The following TRIM34 variants were observed in gnomAD, a reference collection of about 807,000 sequenced individuals.
TRIM34 encodes the protein E3 ubiquitin-protein ligase TRIM34.
A neutral mutation model predicts 38.1 loss-of-function variants in TRIM34; 41 were observed. That is an observed-to-expected ratio of 1.08 (90% CI 0.84 to 1.40). The LOEUF is 1.40. TRIM34 is among the 40% of genes most tolerant of loss of function. The pLI is 0.00. For missense variants in TRIM34, 556 were observed against 571.4 expected (o/e 0.97, Z 0.27); for synonymous variants, 200 against 202.5 (o/e 0.99, Z 0.10).
chr11:5,642,608 G>C, intron 6 of TRIM34, 102 bp downstream of exon 6: 1 of 1,453,550 alleles, frequency 6.9e-7, no homozygotes, highest in Non-Finnish European at 9.3e-7. Context: ...GAAGAGAGGA[G>C]GGAGGTCAGA....
intron 1 of TRIM34, among the ~76,000 whole-genome samples, chr11:5,625,433 C>A (rs141835801): frequency 2.0e-4 from 31 of 152,310 alleles, no homozygotes; most frequent in African/African-American, 6.0e-4. Flanking sequence ...TTATTTTCCA[C>A]CTCCTACTCC....
intron 1 of TRIM34, chr11:5,626,783 G>A (rs1363265299): frequency 6.6e-6 from 1 of 152,050 alleles, no homozygotes; most frequent in African/African-American, 2.4e-5. Context: ...TCGGGAGGCT[G>A]AGGCAGGAGA....
intron 1 of TRIM34, chr11:5,626,611 G>A (rs1849248117): frequency 6.6e-6 from 1 of 152,190 alleles, no homozygotes; most frequent in Non-Finnish European, 1.5e-5. Context: ...CAGGCGCGGT[G>A]GTTCACGCTT....
In TRIM34 at chr11:5,632,274, C is replaced by A. The variant is rs748041636; in HGVS notation, c.-58C>A. The A allele has an allele frequency of 6.2e-6, 10 of 1,609,914 alleles. No homozygotes were observed. In the Admixed American group the frequency reaches 1.7e-4, roughly 27 times the overall value. ...TCTCAGCCATCCAGGGGTCTTTAAC[C>A]AGAAGAGAGAGGAGAGCCTCAGGAG... On this transcript the variant is annotated 5_prime_UTR_variant, in exon 2 of 8. Coordinates refer to ENST00000429814, the MANE Select transcript of TRIM34 (RefSeq NM_021616.6).
In TRIM34 at chr11:5,633,918, G is replaced by A; in HGVS notation, c.519+19G>A. ...CTGGAAGGCAAGAGGAGATTCTGAA[G>A]GTTTTCTGAGACAGGAATCTTGACA... On this transcript the variant is annotated intron_variant, in intron 3 of 7. Transcript: ENST00000429814. The A allele has an allele frequency of 6.2e-7, 1 of 1,612,620 alleles. No homozygotes were observed.
upstream of TRIM34, chr11:5,620,167 C>CTTTTTTTTTTTTTTTTTTT (rs60013395): frequency 6.9e-5 from 5 of 72,772 alleles, no homozygotes; most frequent in African/African-American, 1.2e-4. Flanking sequence ...TTTCTTTCTT[C>CTTTTTTTTTTTTTTTTTTT]TTTTTTTTTT....
chr11:5,631,503 G>A (rs1658892999), intron 1 of TRIM34, among the ~76,000 whole-genome samples: 1 of 152,152 alleles, frequency 6.6e-6, no homozygotes, highest in Non-Finnish European at 1.5e-5. Flanking sequence ...GGAACAAACA[G>A]GCCAAAGTGA....
At chr11:5,631,736 G>A (rs1204239672) in intron 1 of TRIM34, among the ~76,000 whole-genome samples, 1 of 152,150 alleles carries the variant, frequency 6.6e-6, no homozygotes, top group African/African-American at 2.4e-5. Flanking sequence ...TAAAGTTTTA[G>A]TCATCTGTGG....
chr11:5,642,769 T>A, intron 6 of TRIM34, 48 bp from the exon 7 acceptor site: 1 of 1,612,612 alleles, frequency 6.2e-7, no homozygotes, highest in Non-Finnish European at 8.5e-7. Context: ...GTATCAGTGC[T>A]TACTCCTTTG....
At position 5,634,842 on chromosome 11, in the gene TRIM34, C is replaced by A; in HGVS notation, c.731C>A (p.Ser244Ter). Reference sequence around the variant, plus strand: ...GATGTGGAGTGTCGGAGTCAGTGGTCAACAATGGAGCTGCTGCAGGTAAGA... The same window carrying A: ...GATGTGGAGTGTCGGAGTCAGTGGTAAACAATGGAGCTGCTGCAGGTAAGA... ...ISDVECRSQW[S>*]TMELLQDMSG... The change falls in exon 4 of 8, where the codon TCA becomes TAA. Residue 244 changes from serine (S) to a stop codon, truncating the protein, a stop_gained. Transcript: ENST00000429814. LOFTEE classifies it high-confidence loss of function. 6.2e-7 allele frequency: 1 copy of A among 1,612,658 alleles called. No individual in the cohort carries two copies. Among genetic ancestry groups the A allele is most frequent in the South Asian group, 1.1e-5 (1 of 90,904 alleles).
rs1313997048 is a variant in TRIM34 at position 5,634,825 on chromosome 11, G to A, written c.714G>A (p.Glu238=). 3.1e-6 allele frequency: 5 copies of A among 1,613,450 alleles called. No individual in the cohort carries two copies. Among genetic ancestry groups the A allele is most frequent in the Non-Finnish European group, 4.2e-6 (5 of 1,179,568 alleles). Reference sequence around the variant, plus strand: ...TGAGAGAGCTCATCTCAGATGTGGAGTGTCGGAGTCAGTGGTCAACAATGG... The same window carrying A: ...TGAGAGAGCTCATCTCAGATGTGGAATGTCGGAGTCAGTGGTCAACAATGG... ...QLVRELISDV[E]CRSQWSTMEL... The change falls in exon 4 of 8, where the codon GAG becomes GAA. Residue 238 remains glutamate (E), a synonymous_variant. Transcript: ENST00000429814.
chr11:5,631,173 C>G (rs567220796), intron 1 of TRIM34, among the ~76,000 whole-genome samples: 1 of 152,228 alleles, frequency 6.6e-6, no homozygotes, highest in Admixed American at 6.6e-5. Flanking sequence ...TTCCTATCAA[C>G]CTCTGTAACA....
rs1850141509 is a variant in TRIM34 at position 5,644,222 on chromosome 11, T to G, written c.*513T>G. The G allele has an allele frequency of 5.0e-6, 2 of 398,798 alleles. No individual in the cohort carries two copies. The highest frequency in any genetic ancestry group is 4.4e-5 in the Admixed American group (1 of 22,734). 24.7% of individuals were successfully genotyped at this position (398,798 alleles called of 1,614,324 possible). ...AGAGTATTTGAGCTCAAACCTTGCCTGTTGTTTTCTAATCATGATGAATAC... is the reference window on the plus strand; with the variant it reads ...AGAGTATTTGAGCTCAAACCTTGCCGGTTGTTTTCTAATCATGATGAATAC... On this transcript the variant is annotated 3_prime_UTR_variant, in exon 8 of 8. Transcript: ENST00000429814.
upstream of TRIM34, among the ~76,000 whole-genome samples, chr11:5,621,073 C>T (rs1475727409): frequency 6.6e-6 from 1 of 152,198 alleles, no homozygotes; most frequent in Non-Finnish European, 1.5e-5. Context: ...GACACACATT[C>T]CTATCTCCAG....
Position 5,634,815 on chromosome 11 carries a change from C to A in TRIM34, c.704C>A (p.Ser235Ter). 6.2e-7 allele frequency: 1 copy of A among 1,613,628 alleles called. No individual in the cohort carries two copies. Among genetic ancestry groups the A allele is most frequent in the South Asian group, 1.1e-5 (1 of 91,044 alleles). ...AAGCAGTTGGTGAGAGAGCTCATCT[C>A]AGATGTGGAGTGTCGGAGTCAGTGG... ...QQKQLVRELI[S>*]DVECRSQWST... The change falls in exon 4 of 8, where the codon TCA becomes TAA. Residue 235 changes from serine (S) to a stop codon, truncating the protein, a stop_gained. Transcript: ENST00000429814. LOFTEE classifies it high-confidence loss of function.
chr11:5,643,733 A>C lies in TRIM34; in HGVS notation c.*24A>C. On this transcript the variant is annotated 3_prime_UTR_variant, in exon 8 of 8. Transcript: ENST00000429814. ...GAATTTTCTCATTTCTTCACCTACAACCCTTTGTCTTGACTTATCTCCTGC... is the reference window on the plus strand; with the variant it reads ...GAATTTTCTCATTTCTTCACCTACACCCCTTTGTCTTGACTTATCTCCTGC... The C allele has an allele frequency of 6.4e-7, 1 of 1,551,184 alleles. No individual in the cohort carries two copies. The highest frequency in any genetic ancestry group is 8.7e-7 in the Non-Finnish European group (1 of 1,154,252).
At chr11:5,639,806 C>A (rs1849924515) in intron 4 of TRIM34, among the ~76,000 whole-genome samples, 1 of 144,326 alleles carries the variant, frequency 6.9e-6, no homozygotes, top group Non-Finnish European at 1.5e-5. Context: ...TTACTATTTT[C>A]TTTCCAATAT....
Position 5,632,197 on chromosome 11 carries a change from C to A in TRIM34, c.-77-58C>A, listed in dbSNP as rs559460413. On this transcript the variant is annotated intron_variant, in intron 1 of 7. Coordinates refer to ENST00000429814, the MANE Select transcript of TRIM34 (RefSeq NM_021616.6). ...TCTCGGCCAGTCTTTATTGTCTGTGCAATTAGAATGCTTTTTATTTGTACC... is the reference window on the plus strand; with the variant it reads ...TCTCGGCCAGTCTTTATTGTCTGTGAAATTAGAATGCTTTTTATTTGTACC... 26 of 1,520,554 alleles carry A rather than the reference C, an allele frequency of 1.7e-5. No homozygotes were observed. In the South Asian group the frequency reaches 2.9e-4, roughly 17 times the overall value. The allele number at this position is 1,520,554 out of a possible 1,614,324, so 94.2% of individuals were successfully genotyped here.
intron 6 of TRIM34, 35 bp from the exon 7 acceptor site, chr11:5,642,782 T>G (rs1201111915): frequency 1.2e-6 from 2 of 1,613,706 alleles, no homozygotes; most frequent in South Asian, 2.2e-5. Context: ...CTCCTTTGTT[T>G]CTAATCAGCA....
Sources: allele counts gnomAD v4.1 joint callset (sites outside exome capture counted in the v4.1 genomes callset), GRCh38; gene constraint gnomAD v4.1.1; transcripts MANE v1.5; gene names NCBI Gene and HGNC (gene_info 2026-07-23, HGNC 2026-07-21).